The following SLC25A3 variants were observed in gnomAD, a reference collection of about 807,000 sequenced individuals.
The protein encoded by SLC25A3 is solute carrier family 25 member 3.
A neutral mutation model predicts 37.1 loss-of-function variants in SLC25A3; 14 were observed. That is an observed-to-expected ratio of 0.38 (90% CI 0.25 to 0.59). The LOEUF is 0.59. SLC25A3 is among the 20% of genes least tolerant of loss of function. The pLI is 0.67. For synonymous variants in SLC25A3, 161 were observed against 168.7 expected (o/e 0.95, Z 0.36); for missense variants, 385 against 458.1 (o/e 0.84, Z 1.46).
chr12:98,597,847 T>C lies in SLC25A3; in HGVS notation c.280-9T>C. 6.2e-7 allele frequency: 1 copy of C among 1,611,034 alleles called. No individual in the cohort carries two copies. The highest frequency in any genetic ancestry group is 8.5e-7 in the Non-Finnish European group (1 of 1,177,746). On this transcript the variant is annotated splice_polypyrimidine_tract_variant and intron_variant, in intron 3 of 7. Transcript: ENST00000552981. ...GCATTTAATTTTTTTTTTCTTGTTT[T>C]AAATAAAGGTGGACCCCCAAAAGTA...
rs574743243 is a variant in SLC25A3, at chr12:98,598,806, C to T, written c.641+103C>T. On this transcript the variant is annotated intron_variant, in intron 5 of 7. Transcript: ENST00000552981. Reference sequence around the variant, plus strand: ...GTTTTGTTTTTTTGAGACAAAGTCTCGCTCTGTCACCCAGGCTGGAGTGCA... The same window carrying T: ...GTTTTGTTTTTTTGAGACAAAGTCTTGCTCTGTCACCCAGGCTGGAGTGCA... 76 of 1,116,664 alleles carry T rather than the reference C, an allele frequency of 6.8e-5. 1 individual carries two copies. Among genetic ancestry groups the T allele is most frequent in the Admixed American group, 4.6e-4 (20 of 43,614 alleles). 69.2% of individuals were successfully genotyped at this position (1,116,664 alleles called of 1,614,324 possible).
Position 98,600,574 on chromosome 12 carries a change from G to A in SLC25A3, c.814+447G>A, listed in dbSNP as rs544647013. Reference sequence around the variant, plus strand: ...ATTGCAGGCGTCTGCCACTACGCCCGGCTAATTTTTAGTATTTTTAGTAGA... The same window carrying A: ...ATTGCAGGCGTCTGCCACTACGCCCAGCTAATTTTTAGTATTTTTAGTAGA... On this transcript the variant is annotated intron_variant, in intron 6 of 7. Coordinates refer to ENST00000552981, the MANE Select transcript of SLC25A3 (RefSeq NM_002635.4). Among the ~76,000 whole-genome samples, 68 of 152,024 alleles carry A rather than the reference G, an allele frequency of 4.5e-4. No individual in the cohort carries two copies. The East Asian group carries it at 9.0e-3, about 20-fold the overall frequency.
At chr12:98,599,777 G>A (rs747366909) in intron 5 of SLC25A3, 178 bp from the exon 6 acceptor site, 1 of 797,164 alleles carries the variant, frequency 1.3e-6, no homozygotes, top group Non-Finnish European at 2.2e-6. Context: ...TGAGTCATTG[G>A]CATGTAAGAG....
rs187361536 is a variant in SLC25A3, at chr12:98,600,191, G to T, written c.814+64G>T. 2.5e-6 allele frequency: 3 copies of T among 1,192,732 alleles called. No individual in the cohort carries two copies. In the African/African-American group the frequency reaches 4.5e-5, roughly 18 times the overall value. 73.9% of individuals were successfully genotyped at this position (1,192,732 alleles called of 1,614,324 possible). A position where few individuals can be genotyped will look rare whatever the true frequency, so the allele number is the denominator to read the frequency against. On this transcript the variant is annotated intron_variant, in intron 6 of 7. Transcript: ENST00000552981. ...ACAAATAATCATTTCCATTATTGGCGTTTTTTGAGAGGGAAAAATACTCCA... is the reference window on the plus strand; with the variant it reads ...ACAAATAATCATTTCCATTATTGGCTTTTTTTGAGAGGGAAAAATACTCCA...
chr12:98,593,876 G>C (rs976686538), intron 1 of SLC25A3, 99 bp from the exon 2 acceptor site: 134 of 1,365,986 alleles, frequency 9.8e-5, no homozygotes, highest in Non-Finnish European at 1.2e-4. Flanking sequence ...TCAAGGGCGT[G>C]GAGACGGGAA....
intron 2 of SLC25A3, chr12:98,594,421 G>A: frequency 4.3e-6 from 3 of 693,212 alleles, no homozygotes; most frequent in South Asian, 3.0e-5. Flanking sequence ...TCCGCCGTGA[G>A]CTCGCTTGGT....
chr12:98,593,816 G>A, intron 1 of SLC25A3, 76 bp downstream of exon 1: 1 of 753,286 alleles, frequency 1.3e-6, no homozygotes, highest in East Asian at 2.7e-5. Flanking sequence ...CGCTGCTTTG[G>A]CGGTGGGCCC....
At chr12:98,597,665 C>A (rs922001892) in intron 3 of SLC25A3, 191 bp from the exon 4 acceptor site, 6 of 665,030 alleles carry the variant, frequency 9.0e-6, no homozygotes, top group Non-Finnish European at 1.5e-5. Context: ...CTCAGGTAAT[C>A]CACCTGCCTC....
intron 3 of SLC25A3, chr12:98,597,502 C>A: frequency 3.8e-6 from 1 of 265,730 alleles, no homozygotes; most frequent in Non-Finnish European, 7.3e-6. Context: ...ACCTCCACCT[C>A]CCTCCCTCAG....
At position 98,603,869 on chromosome 12, in the gene SLC25A3, A is replaced by G. The variant is rs1168204802; in HGVS notation, c.*2341A>G. The G allele has an allele frequency of 1.3e-5, 2 of 152,096 alleles. No homozygotes were observed. The highest frequency in any genetic ancestry group is 2.9e-5 in the Non-Finnish European group (2 of 68,038). The allele number at this position is 152,096 out of a possible 1,614,324, so 9.4% of individuals were successfully genotyped here. A position where few individuals can be genotyped will look rare whatever the true frequency, so the allele number is the denominator to read the frequency against. Reference sequence around the variant, plus strand: ...TATACTAAAAGATTCTAGTAAGAAAATTTTAATATGTATGTATTGGTGTTC... The same window carrying G: ...TATACTAAAAGATTCTAGTAAGAAAGTTTTAATATGTATGTATTGGTGTTC... On this transcript the variant is annotated 3_prime_UTR_variant, in exon 8 of 8. Coordinates refer to ENST00000552981, the MANE Select transcript of SLC25A3 (RefSeq NM_002635.4).
In SLC25A3 at chr12:98,594,027, C is replaced by G. The variant is rs1294003725; in HGVS notation, c.49C>G (p.Pro17Ala). ...GGCGCGGGCGAACCCCTTCAACACG[C>G]CACATCTGCAGCTGGTGCACGATGG... is the stretch of plus-strand genomic sequence containing the variant. The part of the protein sequence containing the change: ...HLARANPFNT[P>A]HLQLVHDGLG... Residue 17 changes from proline to alanine, a missense_variant, in exon 2 of 8, where the codon CCA becomes GCA. Physicochemically the swap from Pro to Ala is conservative, Grantham distance 27. This residue lies in a region of SLC25A3 where 109 missense variants were observed against 90.5 expected (regional missense o/e 1.20). Transcript: ENST00000552981. 4 of 1,613,734 alleles carry G rather than the reference C, an allele frequency of 2.5e-6. No individual in the cohort carries two copies. The highest frequency in any genetic ancestry group is 3.4e-6 in the Non-Finnish European group (4 of 1,179,832).
At chr12:98,595,869 A>G (rs1257424959) in intron 3 of SLC25A3, 21 bp downstream of exon 3, 4 of 1,599,666 alleles carry the variant, frequency 2.5e-6, no homozygotes, top group Non-Finnish European at 2.6e-6. Flanking sequence ...AGATGACAAC[A>G]TTGAAAGTAT....
chr12:98,596,757 G>C (rs1318760366), intron 3 of SLC25A3, among the ~76,000 whole-genome samples: 1 of 152,112 alleles, frequency 6.6e-6, no homozygotes, highest in East Asian at 1.9e-4. Flanking sequence ...CCCACACCTG[G>C]AATGCCAGCA....
chr12:98,595,409 AT>A (rs758319058), intron 2 of SLC25A3: 11,640 of 1,149,580 alleles, frequency 0.01, no homozygotes, highest in Non-Finnish European at 0.011. Context: ...TACTTACTTG[AT>A]TTTTTTTTTT....
rs1470656720 is a variant in SLC25A3, at chr12:98,606,242, G to A, written c.*4714G>A. 6.6e-6 allele frequency: 1 copy of A among 152,170 alleles called. No homozygotes were observed. The highest frequency in any genetic ancestry group is 1.5e-5 in the Non-Finnish European group (1 of 68,026). 9.4% of individuals were successfully genotyped at this position (152,170 alleles called of 1,614,324 possible). A position where few individuals can be genotyped will look rare whatever the true frequency, so the allele number is the denominator to read the frequency against. On this transcript the variant is annotated 3_prime_UTR_variant, in exon 8 of 8. Transcript: ENST00000552981. ...GAAACAAAGTTATTTTAAACTTACA[G>A]GACTCTGTAGTTCACAGTTGAACAC...
rs747708858 is a variant in SLC25A3 at position 98,594,014 on chromosome 12, C to A, written c.36C>A (p.Asn12Lys). The A allele has an allele frequency of 1.2e-6, 2 of 1,613,858 alleles. No homozygotes were observed. The highest frequency in any genetic ancestry group is 3.3e-5 in the Admixed American group (2 of 60,026). ...FSSVAHLARANPFNTPHLQLV... is the reference protein window; with the variant it reads ...FSSVAHLARAKPFNTPHLQLV... ...CCGTGGCGCACCTGGCGCGGGCGAA[C>A]CCCTTCAACACGCCACATCTGCAGC... Residue 12 changes from asparagine (N) to lysine (K), a missense_variant, in exon 2 of 8, where the codon AAC (asparagine) becomes AAA (lysine). Transcript: ENST00000552981.
In SLC25A3 at chr12:98,594,135, G is replaced by GAGTACAGTT; in HGVS notation, c.157_157+1insAGTACAGTT (p.Ser55_Cys56insTer). ...CAACCTGGCAGCCGCCGCCGTGGAAGGTGAGATCAGACCCTGCCCAATACA... is the reference window on the plus strand; with the variant it reads ...CAACCTGGCAGCCGCCGCCGTGGAAGAGTACAGTTGTGAGATCAGACCCTGCCCAATACA... On this transcript the variant is annotated stop_gained and inframe_insertion and splice_region_variant. Transcript: ENST00000552981. LOFTEE classifies it high-confidence loss of function. The GAGTACAGTT allele has an allele frequency of 6.2e-7, 1 of 1,608,836 alleles. No individual in the cohort carries two copies. Among genetic ancestry groups the GAGTACAGTT allele is most frequent in the South Asian group, 1.1e-5 (1 of 90,638 alleles).
At chr12:98,593,931 C>A (rs770925843) in intron 1 of SLC25A3, 44 bp from the exon 2 acceptor site, 4 of 1,612,234 alleles carry the variant, frequency 2.5e-6, no homozygotes, top group Non-Finnish European at 3.4e-6. Context: ...TAACGTTAAC[C>A]GGCGCCTTGC....
chr12:98,598,354 CAT>C (rs1322727144), intron 4 of SLC25A3, 166 bp from the exon 5 acceptor site: 12 of 1,016,338 alleles, frequency 1.2e-5, no homozygotes, highest in African/African-American at 1.6e-5. Context: ...ATGTTGTTCA[CAT>C]AGTTACGTGT....
Sources: gnomAD v4.1 joint callset for allele counts (sites outside exome capture counted in the v4.1 genomes callset) on GRCh38, gnomAD v4.1.1 for gene constraint, gnomAD v4.1.1 regional missense constraint, MANE v1.5 for transcripts, NCBI Gene and HGNC (gene_info 2026-07-23, HGNC 2026-07-21) for gene names.